IFT140: variants seen among roughly 807,000 people sequenced by gnomAD.
IFT140 encodes intraflagellar transport 140, also known as intraflagellar transport protein 140 homolog.
In IFT140, 133 loss-of-function variants were observed where a neutral mutation model predicts 164.6. The ratio of observed to expected loss-of-function variants is 0.81; its 90% CI spans 0.70 to 0.93. The LOEUF is 0.93. IFT140 is among the 40% of genes least tolerant of loss of function. The probability of loss-of-function intolerance (pLI) is 0.00; values close to 1 mark genes in which losing one functional copy is unlikely to be tolerated. For missense variants in IFT140, 2,045 were observed against 1,972.3 expected (o/e 1.04, Z -0.70); for synonymous variants, 860 against 817.3 (o/e 1.05, Z -0.89).
chr16:1,524,423 G>T, intron 24 of IFT140, 129 bp downstream of exon 24: 1 of 1,251,318 alleles, frequency 8.0e-7, no homozygotes, highest in Admixed American at 2.3e-5. Flanking sequence ...CAGACGGGGT[G>T]AGCAGTGAGT....
At chr16:1,559,256 G>A (rs892275022) in intron 18 of IFT140, among the ~76,000 whole-genome samples, 1 of 152,228 alleles carries the variant, frequency 6.6e-6, no homozygotes, top group African/African-American at 2.4e-5. Context: ...TAAACTGCAA[G>A]GAAGCGCCCT....
At chr16:1,572,177 G>T (rs1596387117) in intron 13 of IFT140, among the ~76,000 whole-genome samples, 1 of 152,342 alleles carries the variant, frequency 6.6e-6, no homozygotes, top group East Asian at 1.9e-4. Context: ...GGTGGGCAGA[G>T]GCCACAGGGG....
At chr16:1,542,246 T>A (rs1046247795) in intron 19 of IFT140, among the ~76,000 whole-genome samples, 4 of 152,218 alleles carry the variant, frequency 2.6e-5, no homozygotes, top group African/African-American at 9.6e-5. Flanking sequence ...TCCCTCTTGC[T>A]GTAGGCAAGA....
At chr16:1,593,240 A>G (rs1236422288) in intron 4 of IFT140, among the ~76,000 whole-genome samples, 2 of 152,048 alleles carry the variant, frequency 1.3e-5, no homozygotes, top group Non-Finnish European at 2.9e-5. Context: ...AGAACTGGAA[A>G]CTCTTCTACA....
chr16:1,600,410 C>T (rs1464191153), intron 4 of IFT140, among the ~76,000 whole-genome samples: 1 of 144,946 alleles, frequency 6.9e-6, no homozygotes, highest in African/African-American at 2.6e-5. Flanking sequence ...CATGACCCTG[C>T]CAAATCCCCC....
At chr16:1,600,719 G>A (rs2035750499) in intron 4 of IFT140, among the ~76,000 whole-genome samples, 1 of 152,124 alleles carries the variant, frequency 6.6e-6, no homozygotes, top group African/African-American at 2.4e-5. Flanking sequence ...TGTATAGGAT[G>A]CCACCACTGA....
chr16:1,576,000 T>A (rs2034254832), intron 13 of IFT140, among the ~76,000 whole-genome samples: 1 of 152,162 alleles, frequency 6.6e-6, no homozygotes, highest in Admixed American at 6.6e-5. Context: ...TAAAGATATT[T>A]AAAGGCCAGG....
intron 30 of IFT140, among the ~76,000 whole-genome samples, chr16:1,515,423 T>C (rs956345904): frequency 6.6e-6 from 1 of 152,200 alleles, no homozygotes; most frequent in East Asian, 1.9e-4. Flanking sequence ...AGGATTTTTT[T>C]TGAATCAGGA....
chr16:1,592,474 G>A lies in IFT140; in HGVS notation c.484C>T (p.Pro162Ser), dbSNP rs1215247912. 1 of 1,614,066 alleles carries A rather than the reference G, an allele frequency of 6.2e-7. No individual in the cohort carries two copies. Among genetic ancestry groups the A allele is most frequent in the Admixed American group, 1.7e-5 (1 of 60,000 alleles). ...LTHCIFRLPPPGEDLVQLAKA... is the reference protein window; with the variant it reads ...LTHCIFRLPPSGEDLVQLAKA... ...GGCAAGCCCCACACTTACTCGCCAG[G>A]AGGGGGGAGCCGGAAGATGCAGTGC... The change falls in exon 5 of 31, where the codon CCT (proline) becomes TCT (serine). Residue 162 changes from proline to serine, a missense_variant. Transcript: ENST00000426508.
intron 28 of IFT140, 29 bp from the exon 29 acceptor site, chr16:1,520,076 C>T (rs773802394): frequency 2.1e-5 from 34 of 1,607,674 alleles, no homozygotes; most frequent in Non-Finnish European, 2.7e-5. Context: ...TCAAGACCTG[C>T]CGGGCTCCAC....
intron 30 of IFT140, among the ~76,000 whole-genome samples, chr16:1,512,022 TGGTGC>T (rs1406177132): frequency 6.7e-6 from 1 of 148,622 alleles, no homozygotes; most frequent in Non-Finnish European, 1.5e-5. Context: ...AACCAGGGCC[TGGTGC>T]GTGTGACTGC....
At chr16:1,599,214 C>A (rs1462367411) in intron 4 of IFT140, among the ~76,000 whole-genome samples, 1 of 83,926 alleles carries the variant, frequency 1.2e-5, no homozygotes, top group Non-Finnish European at 2.2e-5. Context: ...GCCCCTCCGC[C>A]CGGCAGCTGC....
Position 1,602,401 on chromosome 16 carries a change from G to A in IFT140, c.338C>T (p.Pro113Leu). ...TADITVLRWS[P>L]SGNCLLSGDR... The stretch of plus-strand genomic sequence containing the variant: ...CCCAGACAGCAGGCAGTTTCCACTG[G>A]GGCTCCAACGGAGCACGGTGATGTC... The change falls in exon 4 of 31, where the codon CCC becomes CTC. Residue 113 changes from proline to leucine, a missense_variant. Transcript: ENST00000426508. 2 of 1,614,196 alleles carry A rather than the reference G, an allele frequency of 1.2e-6. No individual in the cohort carries two copies. The highest frequency in any genetic ancestry group is 1.7e-6 in the Non-Finnish European group (2 of 1,180,034).
Position 1,607,209 on chromosome 16 carries a change from A to G in IFT140, c.58T>C (p.Phe20Leu). Residue 20 changes from phenylalanine (F) to leucine (L), a missense_variant, in exon 3 of 31, where the codon TTT becomes CTT. Coordinates refer to ENST00000426508, the MANE Select transcript of IFT140 (RefSeq NM_014714.4). ...GGATGGACAGGGTGCCAGCTGATAAATGAGGGTGACCCTGCTGCATCCGGG... is the reference window on the plus strand; with the variant it reads ...GGATGGACAGGGTGCCAGCTGATAAGTGAGGGTGACCCTGCTGCATCCGGG... The part of the protein sequence containing the change: ...EAPDAAGSPS[F>L]ISWHPVHPFL... 6.2e-7 allele frequency: 1 copy of G among 1,614,180 alleles called. No individual in the cohort carries two copies.
At chr16:1,597,256 T>C (rs1430830282) in intron 4 of IFT140, among the ~76,000 whole-genome samples, 4 of 152,198 alleles carry the variant, frequency 2.6e-5, no homozygotes, top group Non-Finnish European at 4.4e-5. Context: ...TCTTCTCTAC[T>C]GATGGGACTT....
intron 12 of IFT140, among the ~76,000 whole-genome samples, 185 bp from the exon 13 acceptor site, chr16:1,581,035 C>T (rs1228593404): frequency 6.6e-6 from 1 of 152,154 alleles, no homozygotes; most frequent in Admixed American, 6.5e-5. Flanking sequence ...CTGTCGTGGC[C>T]ACGGCTAGCA....
At chr16:1,575,839 C>T (rs891050664) in intron 13 of IFT140, among the ~76,000 whole-genome samples, 4 of 151,870 alleles carry the variant, frequency 2.6e-5, no homozygotes, top group African/African-American at 4.8e-5. Flanking sequence ...GAAGCCCATT[C>T]ACCCTTTCCC....
chr16:1,554,437 C>T (rs899023761), intron 19 of IFT140, among the ~76,000 whole-genome samples: 8 of 152,160 alleles, frequency 5.3e-5, no homozygotes, highest in African/African-American at 9.7e-5. Context: ...TCAGTGCTGA[C>T]CTGAAGAAAA....
chr16:1,527,914 G>T (rs1392639244), intron 19 of IFT140, among the ~76,000 whole-genome samples: 1 of 152,212 alleles, frequency 6.6e-6, no homozygotes, highest in Non-Finnish European at 1.5e-5. Flanking sequence ...TCCCCTGCTG[G>T]CGCTGATCCA....
Sources: allele counts gnomAD v4.1 joint callset (sites outside exome capture counted in the v4.1 genomes callset), GRCh38; gene constraint gnomAD v4.1.1; transcripts MANE v1.5; gene names NCBI Gene and HGNC (gene_info 2026-07-23, HGNC 2026-07-21).